IFI27: variants seen among roughly 807,000 people sequenced by gnomAD.
IFI27 encodes interferon alpha inducible protein 27.
A neutral mutation model predicts 8.9 loss-of-function variants in IFI27; 3 were observed. That is an observed-to-expected ratio of 0.34 (90% CI 0.15 to 0.87). IFI27 has a LOEUF of 0.87. IFI27 is among the 40% of genes least tolerant of loss of function. The probability of loss-of-function intolerance (pLI) is 0.51; values close to 1 mark genes in which losing one functional copy is unlikely to be tolerated. For synonymous variants in IFI27, 66 were observed against 67.3 expected (o/e 0.98, Z 0.09); for missense variants, 152 against 157.7 (o/e 0.96, Z 0.19).
At chr14:94,106,775 A>C (rs943981323), upstream of IFI27, among the ~76,000 whole-genome samples, 1 of 152,190 alleles carries the variant, frequency 6.6e-6, no homozygotes, top group South Asian at 2.1e-4. Context: ...AATGGAAGGC[A>C]AGAGGAACTG....
chr14:94,114,976 A>T, intron 3 of IFI27, 96 bp downstream of exon 3: 1 of 1,130,050 alleles, frequency 8.8e-7, no homozygotes, highest in Non-Finnish European at 1.3e-6. Flanking sequence ...TTTCCCTCAC[A>T]TGGGTGGTCA....
In IFI27 at chr14:94,116,531, C is replaced by G; in HGVS notation, c.*4C>G. ...TGTCATTGCGAGGTTCTACTAGCTCCCTGCCCCTCGCCCTGCAGAGAAGAG... is the reference window on the plus strand; with the variant it reads ...TGTCATTGCGAGGTTCTACTAGCTCGCTGCCCCTCGCCCTGCAGAGAAGAG... On this transcript the variant is annotated 3_prime_UTR_variant, in exon 5 of 5. Coordinates refer to ENST00000621160, the Ensembl canonical transcript of IFI27. This position sits in a 1 kb window ranked among gnomAD's most constrained non-coding sequence, Gnocchi z 4.3. The G allele has an allele frequency of 6.2e-7, 1 of 1,608,718 alleles. No homozygotes were observed. Among genetic ancestry groups the G allele is most frequent in the Non-Finnish European group, 8.5e-7 (1 of 1,176,856 alleles).
upstream of IFI27, among the ~76,000 whole-genome samples, chr14:94,107,271 A>G (rs543757863): frequency 6.6e-6 from 1 of 152,272 alleles, no homozygotes; most frequent in East Asian, 1.9e-4. Context: ...GGGTTTCACC[A>G]TGTCGGTCAG....
intron 3 of IFI27, 168 bp from the exon 4 acceptor site, chr14:94,115,613 C>G: frequency 1.5e-6 from 1 of 677,812 alleles, no homozygotes; most frequent in Non-Finnish European, 2.5e-6. Flanking sequence ...ACTTTCCCCG[C>G]CTGGCTGTGC....
At chr14:94,110,096 C>T (rs923695105), upstream of IFI27, among the ~76,000 whole-genome samples, 2 of 152,238 alleles carry the variant, frequency 1.3e-5, no homozygotes, top group African/African-American at 2.4e-5. Context: ...CCTTGCTGCT[C>T]CTGCCACACG....
At chr14:94,110,151 C>G (rs963795988), upstream of IFI27, among the ~76,000 whole-genome samples, 3 of 152,252 alleles carry the variant, frequency 2.0e-5, no homozygotes, top group African/African-American at 7.2e-5. Flanking sequence ...ACTGCCCCCC[C>G]ATAATTCTGC....
At chr14:94,112,323 A>C (rs1027435159) in intron 2 of IFI27, 4 of 157,410 alleles carry the variant, frequency 2.5e-5, no homozygotes, top group Non-Finnish European at 1.4e-5. Flanking sequence ...TCTGTTTTTC[A>C]TATGTATTTT....
chr14:94,116,593 C>G lies in IFI27; in HGVS notation c.*66C>G. On this transcript the variant is annotated 3_prime_UTR_variant, in exon 5 of 5. Coordinates refer to ENST00000621160, the Ensembl canonical transcript of IFI27. The surrounding 1 kb of genome is among the most constrained non-coding windows in gnomAD (Gnocchi z 4.3). ...GGGAGAAGGCACCCAGCCATCCTGA[C>G]CCAGCGAGGAGCCAACTATCCCAAA... is the stretch of plus-strand genomic sequence containing the variant. 2 of 1,268,764 alleles carry G rather than the reference C, an allele frequency of 1.6e-6. No individual in the cohort carries two copies. Among genetic ancestry groups the G allele is most frequent in the Non-Finnish European group, 2.3e-6 (2 of 882,788 alleles). The allele number at this position is 1,268,764 out of a possible 1,614,324, so 78.6% of individuals were successfully genotyped here. A position where few individuals can be genotyped will look rare whatever the true frequency, so the allele number is the denominator to read the frequency against.
In IFI27 at chr14:94,111,360, T is replaced by A. The variant is rs1183047353; in HGVS notation, c.-58-265T>A. Among the ~76,000 whole-genome samples the A allele has an allele frequency of 6.6e-6, 1 of 152,180 alleles. No individual in the cohort carries two copies. Among genetic ancestry groups the A allele is most frequent in the African/African-American group, 2.4e-5 (1 of 41,438 alleles). ...GGGAGTCCCGGAAGTGTCTAAGACA[T>A]TGGCGCTGGGACTTTCAGGAGAAAG... On this transcript the variant is annotated intron_variant, in intron 1 of 4. Transcript: ENST00000621160. This position sits in a 1 kb window ranked among gnomAD's most constrained non-coding sequence, Gnocchi z 4.3.
chr14:94,106,288 G>T (rs1009191794), upstream of IFI27, among the ~76,000 whole-genome samples: 1 of 152,238 alleles, frequency 6.6e-6, no homozygotes, highest in Non-Finnish European at 1.5e-5. Context: ...CGGGGCCGTG[G>T]CATTCAGACC....
At chr14:94,114,168 T>TCAAG (rs1887299126) in intron 2 of IFI27, 2 of 152,290 alleles carry the variant, frequency 1.3e-5, no homozygotes, top group Admixed American at 6.5e-5. Context: ...TTCATTCCAT[T>TCAAG]CAAGCATTGC....
chr14:94,111,579 C>G lies in IFI27; in HGVS notation c.-58-46C>G. On this transcript the variant is annotated intron_variant, in intron 1 of 4. Transcript: ENST00000621160. The surrounding 1 kb of genome is among the most constrained non-coding windows in gnomAD (Gnocchi z 4.3). Reference sequence around the variant, plus strand: ...TTTTTCAGGACAGTGGGAAGCAAGTCAGGTTGTGTGCCCATCCCGTCCTCA... The same window carrying G: ...TTTTTCAGGACAGTGGGAAGCAAGTGAGGTTGTGTGCCCATCCCGTCCTCA... The G allele has an allele frequency of 1.1e-6, 1 of 892,112 alleles. No individual in the cohort carries two copies. The allele number at this position is 892,112 out of a possible 1,614,324, so 55.3% of individuals were successfully genotyped here.
At chr14:94,115,406 G>C in intron 3 of IFI27, 1 of 548,596 alleles carries the variant, frequency 1.8e-6, no homozygotes, top group Non-Finnish European at 3.5e-6. Flanking sequence ...ATAATCTCCT[G>C]GGCAACATCT....
chr14:94,108,597 C>T (rs1026002055), upstream of IFI27, among the ~76,000 whole-genome samples: 1 of 152,140 alleles, frequency 6.6e-6, no homozygotes, highest in African/African-American at 2.4e-5. Flanking sequence ...TGCACAGGGG[C>T]GTGTGGATTT....
At chr14:94,109,460 CA>C (rs1268210388), upstream of IFI27, among the ~76,000 whole-genome samples, 1 of 151,950 alleles carries the variant, frequency 6.6e-6, no homozygotes, top group Non-Finnish European at 1.5e-5. Flanking sequence ...GTGGTGGCAG[CA>C]TCTTACAAGA....
Position 94,111,617 on chromosome 14 carries a change from T to G in IFI27, c.-58-8T>G. ...CATCCCGTCCTCAGAGCTCCATCCC[T>G]TCGGCAGGTCTGGCTGAAGTTGAGG... is the stretch of plus-strand genomic sequence containing the variant. On this transcript the variant is annotated splice_polypyrimidine_tract_variant and splice_region_variant and intron_variant, in intron 1 of 4. Coordinates refer to ENST00000621160, the Ensembl canonical transcript of IFI27. The surrounding 1 kb of genome is among the most constrained non-coding windows in gnomAD (Gnocchi z 4.3). The G allele has an allele frequency of 7.4e-7, 1 of 1,356,500 alleles. No homozygotes were observed. Among genetic ancestry groups the G allele is most frequent in the Non-Finnish European group, 1.1e-6 (1 of 946,858 alleles). 84.0% of individuals were successfully genotyped at this position (1,356,500 alleles called of 1,614,324 possible).
intron 2 of IFI27, chr14:94,114,557 G>A: frequency 2.2e-6 from 1 of 462,164 alleles, no homozygotes; most frequent in South Asian, 4.1e-5. Context: ...TGCCTTGGGA[G>A]GCAGAAAAGA....
intron 3 of IFI27, 112 bp from the exon 4 acceptor site, chr14:94,115,669 G>T: frequency 1.8e-6 from 2 of 1,133,758 alleles, no homozygotes; most frequent in Non-Finnish European, 2.5e-6. Context: ...TCTCTCCCAA[G>T]CTCAAAGTTC....
At chr14:94,107,947 C>A (rs565793088), upstream of IFI27, among the ~76,000 whole-genome samples, 1 of 152,150 alleles carries the variant, frequency 6.6e-6, no homozygotes, top group African/African-American at 2.4e-5. Context: ...CCCATCAACT[C>A]GTCATTTACA....
Sources: gnomAD v4.1 joint callset for allele counts (sites outside exome capture counted in the v4.1 genomes callset) on GRCh38, gnomAD v4.1.1 for gene constraint, Gnocchi (gnomAD v3.1) non-coding constraint, MANE v1.5 for transcripts, NCBI Gene and HGNC (gene_info 2026-07-23, HGNC 2026-07-21) for gene names.